The following STXBP6 variants were observed in gnomAD, a reference collection of about 807,000 sequenced individuals.
The protein encoded by STXBP6 is syntaxin binding protein 6.
Under a neutral mutation model 26.9 loss-of-function variants are expected in STXBP6, and 21 were observed. The ratio of observed to expected loss-of-function variants is 0.78; its 90% CI spans 0.55 to 1.12. STXBP6 has a LOEUF of 1.12. STXBP6 is among the 50% of genes most tolerant of loss of function. The pLI is 0.00. For synonymous variants in STXBP6, 97 were observed against 92.6 expected, an observed-to-expected ratio of 1.05 and a Z score of -0.27; for missense variants, 232 against 257.9, an observed-to-expected ratio of 0.90 and a Z score of 0.69.
At chr14:24,869,250 A>G (rs1595002444) in intron 2 of STXBP6, among the ~76,000 whole-genome samples, 1 of 152,132 alleles carries the variant, frequency 6.6e-6, no homozygotes, top group African/African-American at 2.4e-5. Flanking sequence ...CATTTAAGGC[A>G]ATATGGGGAA....
intron 1 of STXBP6, among the ~76,000 whole-genome samples, chr14:25,016,449 AGAGT>A (rs1243926085): frequency 2.0e-5 from 3 of 152,190 alleles, no homozygotes; most frequent in African/African-American, 4.8e-5. Flanking sequence ...CAATCCTCAG[AGAGT>A]GAGTATTTCC....
intron 4 of STXBP6, among the ~76,000 whole-genome samples, chr14:24,854,913 A>G (rs1412131143): frequency 6.6e-6 from 1 of 152,094 alleles, no homozygotes; most frequent in Non-Finnish European, 1.5e-5. Flanking sequence ...GATTAAACAG[A>G]GAAACTATAA....
intron 1 of STXBP6, among the ~76,000 whole-genome samples, chr14:25,038,963 G>C (rs1185481036): frequency 6.6e-6 from 1 of 152,106 alleles, no homozygotes; most frequent in Non-Finnish European, 1.5e-5. Context: ...CATGATTATA[G>C]TTGACATAGT....
At chr14:24,951,513 A>G (rs1175297093) in intron 2 of STXBP6, among the ~76,000 whole-genome samples, 1 of 152,166 alleles carries the variant, frequency 6.6e-6, no homozygotes, top group Non-Finnish European at 1.5e-5. Context: ...GGCAGCATAA[A>G]TGTCTTCTTT....
chr14:24,818,526 G>A (rs530965619), intron 5 of STXBP6, among the ~76,000 whole-genome samples: 13 of 152,274 alleles, frequency 8.5e-5, no homozygotes, highest in South Asian at 6.2e-4. Flanking sequence ...ACCCCTCTCC[G>A]AGGGAAAACT....
chr14:24,871,664 G>A (rs1401610997), intron 2 of STXBP6, among the ~76,000 whole-genome samples: 1 of 152,200 alleles, frequency 6.6e-6, no homozygotes, highest in Non-Finnish European at 1.5e-5. Flanking sequence ...TCTGCATGGC[G>A]TTGCTGCTTT....
intron 2 of STXBP6, among the ~76,000 whole-genome samples, chr14:24,880,874 T>C (rs187967456): frequency 1.3e-5 from 2 of 152,256 alleles, no homozygotes; most frequent in African/African-American, 4.8e-5. Context: ...GTGGGGCAGT[T>C]CCAATCTCTG....
intron 2 of STXBP6, among the ~76,000 whole-genome samples, chr14:24,926,943 A>G (rs990094168): frequency 6.6e-6 from 1 of 152,144 alleles, no homozygotes; most frequent in African/African-American, 2.4e-5. Flanking sequence ...CTATTTAAAA[A>G]AAAAATAAAG....
At chr14:24,924,897 C>T (rs547783566) in intron 2 of STXBP6, among the ~76,000 whole-genome samples, 25 of 152,276 alleles carry the variant, frequency 1.6e-4, no homozygotes, top group Non-Finnish European at 1.5e-4. Flanking sequence ...GCAATACCTG[C>T]GGAACTCCTT....
chr14:25,000,362 CT>C (rs369019424), intron 1 of STXBP6, among the ~76,000 whole-genome samples: 10,879 of 142,734 alleles, frequency 0.076, 471 homozygotes, highest in South Asian at 0.17. Flanking sequence ...CGTGCCTGGC[CT>C]TTTTTTTTTT....
intron 1 of STXBP6, among the ~76,000 whole-genome samples, chr14:24,992,926 T>C (rs2074511193): frequency 6.6e-6 from 1 of 152,220 alleles, no homozygotes; most frequent in Admixed American, 6.5e-5. Context: ...TCTAACATTC[T>C]TCCCTAGTTC....
intron 2 of STXBP6, among the ~76,000 whole-genome samples, chr14:24,910,593 A>G (rs138036009): frequency 6.6e-6 from 1 of 152,236 alleles, no homozygotes; most frequent in African/African-American, 2.4e-5. Flanking sequence ...AATATCTTTA[A>G]GCAGGATGAA....
At chr14:25,029,795 G>A (rs755163121) in intron 1 of STXBP6, among the ~76,000 whole-genome samples, 1 of 152,118 alleles carries the variant, frequency 6.6e-6, no homozygotes, top group African/African-American at 2.4e-5. Context: ...AATCCCATTT[G>A]CAATGAATCC....
At chr14:25,013,465 T>TACAC (rs2075076618) in intron 1 of STXBP6, among the ~76,000 whole-genome samples, 28 of 100,052 alleles carry the variant, frequency 2.8e-4, no homozygotes, top group African/African-American at 1.4e-3. Context: ...ACATCTCTCT[T>TACAC]TCACACACAC....
chr14:24,974,568 C>G, intron 2 of STXBP6, 97 bp downstream of exon 2: 1 of 1,143,824 alleles, frequency 8.7e-7, no homozygotes, highest in Admixed American at 2.6e-5. Context: ...GTGCAGACAC[C>G]TACAAAACCT....
chr14:24,997,859 T>G (rs2074645950), intron 1 of STXBP6, among the ~76,000 whole-genome samples: 1 of 152,098 alleles, frequency 6.6e-6, no homozygotes, highest in Non-Finnish European at 1.5e-5. Flanking sequence ...ATTATATATA[T>G]TATATAGCTT....
At chr14:24,988,357 A>C (rs1361455466) in intron 1 of STXBP6, among the ~76,000 whole-genome samples, 1 of 152,202 alleles carries the variant, frequency 6.6e-6, no homozygotes, top group Non-Finnish European at 1.5e-5. Context: ...ATATTCAAAG[A>C]AAAAATTGTC....
chr14:24,919,727 T>A (rs12896213), intron 2 of STXBP6, among the ~76,000 whole-genome samples: 54,943 of 151,882 alleles, frequency 0.36, 10,880 homozygotes, highest in African/African-American at 0.53. Flanking sequence ...TGACTTGGTT[T>A]ATTAAATAAA....
chr14:24,942,300 C>T (rs930855342), intron 2 of STXBP6, among the ~76,000 whole-genome samples: 5 of 152,094 alleles, frequency 3.3e-5, no homozygotes, highest in African/African-American at 1.2e-4. Context: ...TCATTTTTAC[C>T]AGGGAAAACT....
Sources: allele counts gnomAD v4.1 joint callset (sites outside exome capture counted in the v4.1 genomes callset), GRCh38; gene constraint gnomAD v4.1.1; transcripts MANE v1.5; gene names NCBI Gene and HGNC (gene_info 2026-07-23, HGNC 2026-07-21).